GALNT14: variants seen among roughly 807,000 people sequenced by gnomAD.
GALNT14 encodes UDP-GalNAc:polypeptide N-acetylgalactosaminyltransferase 14.
GALNT14 carries 60 observed loss-of-function variants against 77.5 expected under a neutral mutation model. The ratio of observed to expected loss-of-function variants is 0.77; its 90% confidence interval spans 0.63 to 0.96. The LOEUF (loss-of-function observed/expected upper bound fraction) is 0.96. GALNT14 is among the 40% of genes least tolerant of loss of function. GALNT14 has a pLI of 0.00. For synonymous variants in GALNT14, 280 were observed against 281.7 expected (o/e 0.99, Z 0.06); for missense variants, 710 against 731.0 (o/e 0.97, Z 0.33).
chr2:30,948,969 T>G (rs377111604), intron 6 of GALNT14, among the ~76,000 whole-genome samples: 1 of 152,210 alleles, frequency 6.6e-6, no homozygotes, highest in African/African-American at 2.4e-5. Context: ...TCTGGTGCAC[T>G]CCTCCTGTAA....
chr2:31,023,484 C>T (rs1220834912), intron 1 of GALNT14, among the ~76,000 whole-genome samples: 1 of 152,152 alleles, frequency 6.6e-6, no homozygotes, highest in African/African-American at 2.4e-5. Context: ...TCCCCTCAGC[C>T]CCAGAACCCT....
intron 1 of GALNT14, among the ~76,000 whole-genome samples, chr2:31,035,184 A>G (rs1672640558): frequency 1.3e-5 from 2 of 152,130 alleles, no homozygotes; most frequent in Non-Finnish European, 2.9e-5. Flanking sequence ...TCTACCTATT[A>G]TCAAAAGTGA....
intron 3 of GALNT14, among the ~76,000 whole-genome samples, chr2:30,961,629 C>T (rs1667695453): frequency 6.6e-6 from 1 of 152,056 alleles, no homozygotes; most frequent in Non-Finnish European, 1.5e-5. Flanking sequence ...CACCTAGATA[C>T]TTGTTAGAAA....
chr2:31,133,091 C>A (rs1345803043), intron 1 of GALNT14, among the ~76,000 whole-genome samples: 1 of 151,836 alleles, frequency 6.6e-6, no homozygotes, highest in African/African-American at 2.4e-5. Context: ...ACTCCCTGGC[C>A]CCCTACCCGC....
chr2:30,914,500 C>G (rs1664557781), intron 13 of GALNT14, among the ~76,000 whole-genome samples: 1 of 152,190 alleles, frequency 6.6e-6, no homozygotes, highest in Non-Finnish European at 1.5e-5. Flanking sequence ...AAAGGTTGTA[C>G]CCCCTTGCCA....
chr2:31,044,529 C>T (rs988258398), intron 1 of GALNT14, among the ~76,000 whole-genome samples: 1 of 152,114 alleles, frequency 6.6e-6, no homozygotes, highest in African/African-American at 2.4e-5. Flanking sequence ...TTCAATACTC[C>T]CTATTAACAG....
chr2:31,011,387 C>G (rs909172702), intron 1 of GALNT14, among the ~76,000 whole-genome samples: 1 of 152,194 alleles, frequency 6.6e-6, no homozygotes, highest in Non-Finnish European at 1.5e-5. Context: ...CCTCCACAAC[C>G]TTGAATCCTC....
chr2:30,889,056 G>T, the GALNT14 span, among the ~76,000 whole-genome samples: 2 of 152,042 alleles, frequency 1.3e-5, no homozygotes, highest in Admixed American at 6.6e-5. Context: ...CTGGGAGTAG[G>T]ACTCCTCCCT....
intron 1 of GALNT14, among the ~76,000 whole-genome samples, chr2:31,119,505 G>A (rs183673713): frequency 6.6e-6 from 1 of 152,248 alleles, no homozygotes; most frequent in Admixed American, 6.5e-5. Flanking sequence ...AATTACAATT[G>A]GATCCCGTTT....
intron 1 of GALNT14, among the ~76,000 whole-genome samples, chr2:31,128,970 A>AG: frequency 7.9e-6 from 1 of 127,078 alleles, no homozygotes; most frequent in African/African-American, 4.3e-5. Context: ...TAAAATTGAA[A>AG]AAAAAAAAAA....
At chr2:30,999,304 T>A (rs752835355) in intron 1 of GALNT14, among the ~76,000 whole-genome samples, 9 of 152,368 alleles carry the variant, frequency 5.9e-5, no homozygotes, top group Admixed American at 1.3e-4. Context: ...CCTTCTTATA[T>A]TGATCAAGAA....
At chr2:31,029,123 G>A (rs981625127) in intron 1 of GALNT14, among the ~76,000 whole-genome samples, 1 of 152,164 alleles carries the variant, frequency 6.6e-6, no homozygotes, top group Non-Finnish European at 1.5e-5. Flanking sequence ...GAAGACAAGA[G>A]GCTTGAGTTT....
intron 1 of GALNT14, among the ~76,000 whole-genome samples, chr2:31,130,859 T>C (rs1019169054): frequency 3.3e-5 from 5 of 152,088 alleles, no homozygotes; most frequent in Admixed American, 3.3e-4. Flanking sequence ...AGGGGTTCTT[T>C]CTTAATCAGC....
intron 1 of GALNT14, among the ~76,000 whole-genome samples, chr2:31,109,669 A>C (rs1677739848): frequency 6.6e-6 from 1 of 152,244 alleles, no homozygotes; most frequent in African/African-American, 2.4e-5. Context: ...GCGATGTGGT[A>C]CAATCATTAA....
chr2:31,024,055 T>G (rs1207748951), intron 1 of GALNT14, among the ~76,000 whole-genome samples: 33 of 151,548 alleles, frequency 2.2e-4, no homozygotes, highest in Non-Finnish European at 1.5e-5. Flanking sequence ...TTCCCCATCT[T>G]AGTAGAGGCA....
intron 1 of GALNT14, among the ~76,000 whole-genome samples, chr2:31,072,395 C>T (rs561120557): frequency 6.6e-6 from 1 of 151,778 alleles, no homozygotes; most frequent in African/African-American, 2.4e-5. Context: ...CTTTTGTTCC[C>T]TCATTGCTTT....
At chr2:31,108,352 G>A (rs1046205345) in intron 1 of GALNT14, among the ~76,000 whole-genome samples, 12 of 152,204 alleles carry the variant, frequency 7.9e-5, no homozygotes, top group Admixed American at 2.6e-4. Context: ...ACTAAGGAAC[G>A]TATGAATGAA....
chr2:31,036,376 C>G (rs1672739414), intron 1 of GALNT14, among the ~76,000 whole-genome samples: 1 of 152,160 alleles, frequency 6.6e-6, no homozygotes, highest in South Asian at 2.1e-4. Context: ...AACTTAATGT[C>G]AACAGTATAC....
chr2:31,059,046 C>G (rs1674419897), intron 1 of GALNT14, among the ~76,000 whole-genome samples: 1 of 152,086 alleles, frequency 6.6e-6, no homozygotes, highest in African/African-American at 2.4e-5. Context: ...CATTGAGTGT[C>G]TGTGGTTTCA....
Sources: gnomAD v4.1 joint callset for allele counts (sites outside exome capture counted in the v4.1 genomes callset) on GRCh38, gnomAD v4.1.1 for gene constraint, MANE v1.5 for transcripts, NCBI Gene and HGNC (gene_info 2026-07-23, HGNC 2026-07-21) for gene names.